The following TMEM132D variants were observed in gnomAD, a reference collection of about 807,000 sequenced individuals.
TMEM132D encodes the protein mature OL transmembrane protein.
TMEM132D carries 21 observed loss-of-function variants against 62.3 expected under a neutral mutation model. The ratio of observed to expected loss-of-function variants is 0.34; its 90% CI spans 0.24 to 0.49. TMEM132D has a LOEUF of 0.49. TMEM132D is among the 20% of genes least tolerant of loss of function. The probability of loss-of-function intolerance (pLI) is 0.99; values close to 1 mark genes in which losing one functional copy is unlikely to be tolerated. For missense variants in TMEM132D, 1,346 were observed against 1,402.8 expected (o/e 0.96, Z 0.65); for synonymous variants, 621 against 575.6 (o/e 1.08, Z -1.13).
At chr12:129,203,801 A>G (rs1202463797) in intron 5 of TMEM132D, among the ~76,000 whole-genome samples, 1 of 152,264 alleles carries the variant, frequency 6.6e-6, no homozygotes, top group Non-Finnish European at 1.5e-5. Context: ...GCAGCAGATT[A>G]GGACCAACCT....
chr12:129,781,428 CGTT>C (rs1198513317), intron 1 of TMEM132D, among the ~76,000 whole-genome samples: 1 of 152,064 alleles, frequency 6.6e-6, no homozygotes, highest in East Asian at 1.9e-4. Flanking sequence ...ATTTCAAAGA[CGTT>C]GTATATTATA....
chr12:129,391,170 G>T (rs779886452), intron 3 of TMEM132D, among the ~76,000 whole-genome samples: 1 of 152,060 alleles, frequency 6.6e-6, no homozygotes, highest in African/African-American at 2.4e-5. Context: ...AAGTGAGCTC[G>T]TTCATTCCCC....
At chr12:129,891,390 A>T (rs1874919106) in intron 1 of TMEM132D, among the ~76,000 whole-genome samples, 1 of 152,212 alleles carries the variant, frequency 6.6e-6, no homozygotes, top group Non-Finnish European at 1.5e-5. Flanking sequence ...CAACATCATC[A>T]AAGAGCAAGA....
At position 129,408,191 on chromosome 12, in the gene TMEM132D, A is replaced by G. The variant is rs1250685070; in HGVS notation, c.1116-70374T>C. ...GTTTTTCTATCCCTGTATCAATGGC[A>G]TGAAAGCATGTAGTTTTATAATTTG... On this transcript the variant is annotated intron_variant, in intron 3 of 8. Coordinates refer to ENST00000422113, the MANE Select transcript of TMEM132D (RefSeq NM_133448.3). Among the ~76,000 whole-genome samples, 3 of 152,326 alleles carry G rather than the reference A, an allele frequency of 2.0e-5. No homozygotes were observed. The South Asian group carries it at 6.2e-4, about 32-fold the overall frequency.
At chr12:129,282,146 C>T (rs1278240791) in intron 4 of TMEM132D, among the ~76,000 whole-genome samples, 1 of 152,144 alleles carries the variant, frequency 6.6e-6, no homozygotes, top group Non-Finnish European at 1.5e-5. Context: ...CATCCACAAC[C>T]AAAAGATGAG....
At chr12:129,272,638 T>A (rs1265786265) in intron 4 of TMEM132D, among the ~76,000 whole-genome samples, 1 of 151,866 alleles carries the variant, frequency 6.6e-6, no homozygotes, top group Non-Finnish European at 1.5e-5. Flanking sequence ...TATTTGTTTT[T>A]TGCTTGTTGA....
intron 1 of TMEM132D, among the ~76,000 whole-genome samples, chr12:129,812,982 A>C (rs1872232283): frequency 6.6e-6 from 1 of 151,826 alleles, no homozygotes; most frequent in Non-Finnish European, 1.5e-5. Flanking sequence ...AAATGACCAC[A>C]ACAAATCTTA....
At chr12:129,877,441 T>C (rs954147153) in intron 1 of TMEM132D, among the ~76,000 whole-genome samples, 3 of 152,156 alleles carry the variant, frequency 2.0e-5, no homozygotes, top group African/African-American at 7.2e-5. Flanking sequence ...CACCCATTCC[T>C]ATTTGTTCAG....
chr12:129,593,825 T>C (rs1206817641), intron 2 of TMEM132D, among the ~76,000 whole-genome samples: 4 of 136,402 alleles, frequency 2.9e-5, no homozygotes, highest in South Asian at 2.4e-4. Context: ...AACTTACTCC[T>C]CTTGACATGT....
At chr12:129,704,370 T>C (rs1417588823) in intron 1 of TMEM132D, among the ~76,000 whole-genome samples, 1 of 152,216 alleles carries the variant, frequency 6.6e-6, no homozygotes, top group Admixed American at 6.5e-5. Flanking sequence ...TTCCCAATGC[T>C]GGGAGGCAAC....
intron 3 of TMEM132D, among the ~76,000 whole-genome samples, chr12:129,345,905 T>A (rs1348319860): frequency 6.6e-6 from 1 of 152,208 alleles, no homozygotes; most frequent in African/African-American, 2.4e-5. Flanking sequence ...TTTCTTTTTT[T>A]TATTGCGTCT....
intron 1 of TMEM132D, among the ~76,000 whole-genome samples, chr12:129,891,588 G>A (rs1393660837): frequency 1.3e-5 from 2 of 152,142 alleles, no homozygotes; most frequent in South Asian, 4.1e-4. Flanking sequence ...ACTTGGCAGC[G>A]AAAGCTCTCC....
intron 5 of TMEM132D, among the ~76,000 whole-genome samples, chr12:129,181,134 T>C (rs1006582145): frequency 2.6e-5 from 4 of 152,074 alleles, no homozygotes; most frequent in African/African-American, 9.7e-5. Context: ...CATACTCAAT[T>C]CAAACCCAAC....
chr12:129,593,759 C>T (rs934133985), intron 2 of TMEM132D, among the ~76,000 whole-genome samples: 4 of 152,174 alleles, frequency 2.6e-5, no homozygotes, highest in South Asian at 2.1e-4. Context: ...GTGCTTCACA[C>T]CTTTTAAAGC....
chr12:129,389,177 T>C (rs1004728510), intron 3 of TMEM132D, among the ~76,000 whole-genome samples: 3 of 151,544 alleles, frequency 2.0e-5, no homozygotes, highest in Admixed American at 2.0e-4. Flanking sequence ...CTAACACTAA[T>C]ATTAATACAA....
chr12:129,130,256 G>T (rs1395451946), intron 5 of TMEM132D, among the ~76,000 whole-genome samples: 6 of 152,104 alleles, frequency 3.9e-5, no homozygotes, highest in Non-Finnish European at 4.4e-5. Flanking sequence ...CCCACCCAAG[G>T]TCCCATCTCC....
chr12:129,195,402 C>T (rs977062876), intron 5 of TMEM132D, among the ~76,000 whole-genome samples: 12 of 151,976 alleles, frequency 7.9e-5, no homozygotes, highest in African/African-American at 2.9e-4. Context: ...ATAGCTTTCA[C>T]TGGGCGGGAG....
At chr12:129,470,230 T>C (rs1341521936) in intron 3 of TMEM132D, among the ~76,000 whole-genome samples, 1 of 152,208 alleles carries the variant, frequency 6.6e-6, no homozygotes, top group Admixed American at 6.5e-5. Context: ...CGCATTTGGA[T>C]GATAAACTTC....
intron 5 of TMEM132D, among the ~76,000 whole-genome samples, chr12:129,132,932 G>A (rs1208733990): frequency 2.0e-5 from 3 of 152,156 alleles, no homozygotes; most frequent in African/African-American, 4.8e-5. Context: ...TCCAGTTGCC[G>A]TCACGTTGGA....
Sources: allele counts gnomAD v4.1 joint callset (sites outside exome capture counted in the v4.1 genomes callset), GRCh38; gene constraint gnomAD v4.1.1; transcripts MANE v1.5; gene names NCBI Gene and HGNC (gene_info 2026-07-23, HGNC 2026-07-21).